Variants in CPED1 observed in about 807,000 individuals in gnomAD.
The protein encoded by CPED1 is cadherin-like and PC-esterase domain-containing protein 1.
In CPED1, 114 loss-of-function variants were observed where a neutral mutation model predicts 128.2. The observed-to-expected ratio is 0.89, with a 90% CI of 0.76 to 1.04. The LOEUF is 1.04. Among genes scored for constraint, CPED1 ranks in the 50% least tolerant of loss-of-function variants. The probability of loss-of-function intolerance (pLI) is 0.00; values close to 1 mark genes in which losing one functional copy is unlikely to be tolerated. For synonymous variants in CPED1, 462 were observed against 426.7 expected (o/e 1.08, Z -1.02); for missense variants, 1,211 against 1,207.1 (o/e 1.00, Z -0.05).
intron 5 of CPED1, chr7:121,083,897 T>C (rs1794354993): frequency 1.3e-5 from 2 of 152,160 alleles, no homozygotes. Context: ...ACAGAATGAG[T>C]TAATACATTT....
chr7:121,001,906 G>C (rs1195970309), intron 2 of CPED1, among the ~76,000 whole-genome samples: 1 of 152,068 alleles, frequency 6.6e-6, no homozygotes, highest in African/African-American at 2.4e-5. Context: ...ATAAAAGACA[G>C]AGGAATATAT....
At chr7:121,264,740 A>T (rs1792089261) in intron 18 of CPED1, among the ~76,000 whole-genome samples, 1 of 152,128 alleles carries the variant, frequency 6.6e-6, no homozygotes, top group Non-Finnish European at 1.5e-5. Context: ...TAGAAAGAGA[A>T]ATCTCCAAAG....
intron 16 of CPED1, among the ~76,000 whole-genome samples, chr7:121,182,231 T>C (rs2116501018): frequency 6.6e-6 from 1 of 151,356 alleles, no homozygotes; most frequent in African/African-American, 2.4e-5. Context: ...TTAATGATGT[T>C]ACATTTCCAG....
chr7:121,092,972 A>G (rs1391007520), intron 5 of CPED1, among the ~76,000 whole-genome samples: 1 of 152,208 alleles, frequency 6.6e-6, no homozygotes, highest in African/African-American at 2.4e-5. Flanking sequence ...CTTTTAGTCT[A>G]CTTGCTGCTA....
In CPED1 at chr7:121,095,402, A is replaced by G. The variant is rs184240018; in HGVS notation, c.617-2297A>G. ...AAATGCATTTGCAGCTTTTAAAGAT[A>G]TAAATGAAGCTTATATCTAAGTTGT... is the stretch of plus-strand genomic sequence containing the variant. On this transcript the variant is annotated intron_variant, in intron 5 of 22. Transcript: ENST00000310396. 3.3e-5 allele frequency among the ~76,000 whole-genome samples: 5 copies of G among 152,306 alleles called. No individual in the cohort carries two copies. The East Asian group carries it at 9.6e-4, about 29-fold the overall frequency.
intron 2 of CPED1, among the ~76,000 whole-genome samples, chr7:121,004,124 C>T (rs1791942460): frequency 6.6e-6 from 1 of 152,106 alleles, no homozygotes; most frequent in African/African-American, 2.4e-5. Flanking sequence ...GATGCAGAGC[C>T]ACCTGCATGA....
intron 16 of CPED1, among the ~76,000 whole-genome samples, chr7:121,161,950 TC>T (rs1346008209): frequency 1.3e-5 from 2 of 152,232 alleles, no homozygotes; most frequent in African/African-American, 4.8e-5. Context: ...AAAACTATTG[TC>T]TATGATTGGA....
chr7:121,191,420 G>A (rs1261695051), intron 16 of CPED1, among the ~76,000 whole-genome samples: 1 of 152,118 alleles, frequency 6.6e-6, no homozygotes, highest in Admixed American at 6.6e-5. Flanking sequence ...AGGCTGAGGA[G>A]AAGAATATTA....
chr7:121,231,523 C>A (rs888935492), intron 16 of CPED1, among the ~76,000 whole-genome samples: 4 of 152,008 alleles, frequency 2.6e-5, no homozygotes, highest in African/African-American at 9.7e-5. Flanking sequence ...GATTTCCAGG[C>A]AGTACTGAGA....
intron 18 of CPED1, among the ~76,000 whole-genome samples, chr7:121,253,179 G>T (rs959057682): frequency 1.9e-4 from 29 of 151,812 alleles, no homozygotes; most frequent in Non-Finnish European, 4.4e-5. Context: ...GGATGAAGCT[G>T]GAAACCATCA....
intron 16 of CPED1, among the ~76,000 whole-genome samples, chr7:121,212,923 T>C (rs1253813681): frequency 3.9e-5 from 6 of 152,008 alleles, no homozygotes; most frequent in Admixed American, 3.9e-4. Context: ...GGAAATTATA[T>C]GAGTGACCCT....
intron 16 of CPED1, among the ~76,000 whole-genome samples, chr7:121,160,606 T>C (rs561936556): frequency 1.9e-3 from 294 of 152,240 alleles, no homozygotes; most frequent in African/African-American, 6.7e-3. Flanking sequence ...GGAATGGCCT[T>C]GTACTGCCAG....
At chr7:121,133,365 T>G (rs185910771) in intron 12 of CPED1, among the ~76,000 whole-genome samples, 72 of 152,256 alleles carry the variant, frequency 4.7e-4, no homozygotes, top group African/African-American at 1.6e-3. Context: ...AATTAGAGTT[T>G]AAGGGTAGAA....
chr7:121,075,380 C>T (rs978094697), intron 5 of CPED1, among the ~76,000 whole-genome samples: 2 of 152,084 alleles, frequency 1.3e-5, no homozygotes, highest in African/African-American at 2.4e-5. Context: ...TAATTTTATG[C>T]TGTTATGATT....
At chr7:121,037,472 T>C (rs1446493495) in intron 3 of CPED1, among the ~76,000 whole-genome samples, 1 of 152,118 alleles carries the variant, frequency 6.6e-6, no homozygotes, top group African/African-American at 2.4e-5. Context: ...TATTTCTGGG[T>C]TCTCTATTCT....
chr7:121,121,442 A>AT (rs1451723632), intron 7 of CPED1, among the ~76,000 whole-genome samples: 46 of 152,320 alleles, frequency 3.0e-4, no homozygotes, highest in Non-Finnish European at 4.1e-4. Context: ...TTATGAGGTC[A>AT]TTTTCTATAT....
intron 12 of CPED1, among the ~76,000 whole-genome samples, chr7:121,132,144 A>G (rs1196328349): frequency 6.6e-6 from 1 of 152,110 alleles, no homozygotes; most frequent in Non-Finnish European, 1.5e-5. Context: ...GTATATATTT[A>G]ATTATCATTC....
intron 5 of CPED1, among the ~76,000 whole-genome samples, chr7:121,092,118 T>C (rs1794585423): frequency 6.6e-6 from 1 of 152,296 alleles, no homozygotes; most frequent in Admixed American, 6.5e-5. Flanking sequence ...ATATTAGGCC[T>C]CTTGGTCTTA....
At chr7:121,189,048 G>A (rs1430887632) in intron 16 of CPED1, among the ~76,000 whole-genome samples, 1 of 152,148 alleles carries the variant, frequency 6.6e-6, no homozygotes, top group Admixed American at 6.6e-5. Flanking sequence ...TAGCAGAGTA[G>A]TGACTATGCC....
Sources: allele counts gnomAD v4.1 joint callset (sites outside exome capture counted in the v4.1 genomes callset), GRCh38; gene constraint gnomAD v4.1.1; transcripts MANE v1.5; gene names NCBI Gene and HGNC (gene_info 2026-07-23, HGNC 2026-07-21).